The following MAST4 variants were observed in gnomAD, a reference collection of about 807,000 sequenced individuals.
The protein encoded by MAST4 is microtubule associated serine/threonine kinase family member 4.
A neutral mutation model predicts 162.7 loss-of-function variants in MAST4; 89 were observed. That is an observed-to-expected ratio of 0.55 (90% confidence interval 0.46 to 0.65). The LOEUF is 0.65. Among genes scored for constraint, MAST4 ranks in the 30% least tolerant of loss-of-function variants. MAST4 has a pLI of 0.00. For missense variants in MAST4, 3,153 were observed against 3,374.0 expected, an observed-to-expected ratio of 0.93 and a Z score of 1.62; for synonymous variants, 1,479 against 1,361.1, an observed-to-expected ratio of 1.09 and a Z score of -1.91.
At chr5:66,835,811 A>T (rs1757926006) in intron 3 of MAST4, among the ~76,000 whole-genome samples, 1 of 152,212 alleles carries the variant, frequency 6.6e-6, no homozygotes. Flanking sequence ...CATTTTACAG[A>T]TGTGGACATG....
intron 2 of MAST4, among the ~76,000 whole-genome samples, chr5:66,769,305 G>C (rs570147173): frequency 1.3e-5 from 2 of 152,106 alleles, no homozygotes; most frequent in Middle Eastern, 3.2e-3. Context: ...TCTGGGGCTC[G>C]AGCCAAAGCC....
chr5:67,053,801 G>A (rs1283847959), intron 4 of MAST4, among the ~76,000 whole-genome samples: 1 of 152,082 alleles, frequency 6.6e-6, no homozygotes, highest in East Asian at 1.9e-4. Context: ...TGTGAAAGAG[G>A]ACCATCACTA....
chr5:67,055,264 A>G (rs1022588028), intron 5 of MAST4, among the ~76,000 whole-genome samples: 5 of 152,238 alleles, frequency 3.3e-5, no homozygotes, highest in Middle Eastern at 3.4e-3. Flanking sequence ...AAGTGGGAGG[A>G]AGTTTGACTT....
At chr5:67,062,376 C>T (rs994108101) in intron 5 of MAST4, among the ~76,000 whole-genome samples, 25 of 151,744 alleles carry the variant, frequency 1.6e-4, no homozygotes, top group Non-Finnish European at 3.4e-4. Flanking sequence ...CCAGCCTGGG[C>T]GACAGAGCAA....
In MAST4 at chr5:66,899,991, T is replaced by C. The variant is rs190524588; in HGVS notation, c.674+9T>C. 2,810 of 1,504,010 alleles carry C rather than the reference T, an allele frequency of 1.9e-3. 5 individuals are homozygous for C. Among genetic ancestry groups the C allele is most frequent in the Admixed American group, 4.7e-3 (197 of 42,034 alleles). 93.2% of individuals were successfully genotyped at this position (1,504,010 alleles called of 1,614,324 possible). On this transcript the variant is annotated intron_variant, in intron 4 of 28. Transcript: ENST00000403625. ...CCCAGAAGAGGAAGTTTGTAAGTAG[T>C]AGTATTTTGTTTCCTTGTTTTCTTT...
chr5:66,812,917 A>G (rs1756546488), intron 3 of MAST4, among the ~76,000 whole-genome samples: 1 of 152,192 alleles, frequency 6.6e-6, no homozygotes, highest in African/African-American at 2.4e-5. Context: ...GGAAATAAAA[A>G]GTTAGTGCTG....
chr5:66,754,952 A>G (rs1413951000), intron 1 of MAST4, among the ~76,000 whole-genome samples: 1 of 152,192 alleles, frequency 6.6e-6, no homozygotes, highest in Non-Finnish European at 1.5e-5. Context: ...GGGTGGGAAG[A>G]GCCTGGGGCA....
intron 4 of MAST4, among the ~76,000 whole-genome samples, chr5:66,907,616 G>GTGTGTGTGTC (rs1763467290): frequency 4.6e-5 from 7 of 151,176 alleles, no homozygotes; most frequent in African/African-American, 1.5e-4. Flanking sequence ...GTGTGTGTGT[G>GTGTGTGTGTC]TGTGTGTGTG....
Position 66,906,182 on chromosome 5 carries a change from T to A in MAST4, c.674+6200T>A, listed in dbSNP as rs116241545. ...AGAGCCTGTTTTGTCAGTCTTAAGA[T>A]CTCTGTTTTAACGTCAGCTGGTCGG... is the stretch of plus-strand genomic sequence containing the variant. On this transcript the variant is annotated intron_variant, in intron 4 of 28. Transcript: ENST00000403625. Among the ~76,000 whole-genome samples the A allele has an allele frequency of 3.3e-3, 495 of 152,280 alleles. 1 individual carries two copies. Among genetic ancestry groups the A allele is most frequent in the African/African-American group, 0.011 (472 of 41,562 alleles).
chr5:66,746,290 G>T (rs1335697103), intron 1 of MAST4, among the ~76,000 whole-genome samples: 2 of 152,168 alleles, frequency 1.3e-5, no homozygotes, highest in Non-Finnish European at 2.9e-5. Flanking sequence ...AGTCTTCTCA[G>T]ACTGGGGATG....
intron 5 of MAST4, among the ~76,000 whole-genome samples, chr5:67,066,585 T>C (rs1760264538): frequency 6.6e-6 from 1 of 152,140 alleles, no homozygotes. Context: ...ATACAAAATA[T>C]TCTATTTTAT....
chr5:66,938,968 T>C (rs931332326), intron 4 of MAST4, among the ~76,000 whole-genome samples: 1 of 152,154 alleles, frequency 6.6e-6, no homozygotes, highest in Non-Finnish European at 1.5e-5. Context: ...TACCTGATAA[T>C]TAAAAGTTAT....
intron 5 of MAST4, among the ~76,000 whole-genome samples, chr5:67,056,192 C>T (rs1436823111): frequency 1.3e-5 from 2 of 151,874 alleles, no homozygotes; most frequent in African/African-American, 2.4e-5. Flanking sequence ...AATTAGGGAG[C>T]GGGTGTAAGC....
At chr5:67,121,163 C>T in intron 14 of MAST4, 61 bp downstream of exon 14, 8 of 1,314,134 alleles carry the variant, frequency 6.1e-6, no homozygotes, top group Non-Finnish European at 8.5e-6. Context: ...TATATTTATT[C>T]TTAACATTTA....
chr5:66,837,895 T>TATATATATATA (rs70987141), intron 3 of MAST4, among the ~76,000 whole-genome samples: 7 of 15,714 alleles, frequency 4.5e-4, no homozygotes, highest in East Asian at 2.9e-3. Context: ...TATATATATA[T>TATATATATATA]TTTTTTTTTT....
intron 1 of MAST4, among the ~76,000 whole-genome samples, chr5:66,640,226 A>C (rs1008803221): frequency 1.3e-5 from 2 of 151,618 alleles, no homozygotes; most frequent in African/African-American, 4.9e-5. Context: ...TTTTATCCAT[A>C]TTGTCACAAA....
chr5:66,923,985 G>A (rs1312900219), intron 4 of MAST4, among the ~76,000 whole-genome samples: 1 of 152,186 alleles, frequency 6.6e-6, no homozygotes, highest in Non-Finnish European at 1.5e-5. Flanking sequence ...GTGGCCCCTG[G>A]TTTAGTTGCT....
At chr5:66,707,147 C>T (rs1490167121) in intron 1 of MAST4, among the ~76,000 whole-genome samples, 9 of 152,212 alleles carry the variant, frequency 5.9e-5, no homozygotes, top group African/African-American at 1.9e-4. Flanking sequence ...TAAGAGGCTC[C>T]TGACTTCCAG....
intron 4 of MAST4, among the ~76,000 whole-genome samples, chr5:66,929,724 C>T (rs1248764946): frequency 1.3e-5 from 2 of 152,146 alleles, no homozygotes; most frequent in South Asian, 2.1e-4. Flanking sequence ...GCTGGTTGGG[C>T]ACCTTTTTCC....
Sources: gnomAD v4.1 joint callset for allele counts (sites outside exome capture counted in the v4.1 genomes callset) on GRCh38, gnomAD v4.1.1 for gene constraint, MANE v1.5 for transcripts, NCBI Gene and HGNC (gene_info 2026-07-23, HGNC 2026-07-21) for gene names.